The following VWC2 variants were observed in gnomAD, a reference collection of about 807,000 sequenced individuals.
The protein encoded by VWC2 is von Willebrand factor C domain containing 2.
In VWC2, 14 loss-of-function variants were observed where a neutral mutation model predicts 29.8. The ratio of observed to expected loss-of-function variants is 0.47; its 90% CI spans 0.31 to 0.74. The LOEUF is 0.74. Among genes scored for constraint, VWC2 ranks in the 30% least tolerant of loss-of-function variants. VWC2 has a pLI of 0.05. For missense variants in VWC2, 457 were observed against 459.8 expected (o/e 0.99, Z 0.05); for synonymous variants, 213 against 199.0 (o/e 1.07, Z -0.59).
rs1280854522 is a variant in VWC2 at position 49,774,123 on chromosome 7, T to C, written c.-104+10T>C. On this transcript the variant is annotated intron_variant, in intron 1 of 3. Coordinates refer to ENST00000340652, the MANE Select transcript of VWC2 (RefSeq NM_198570.5). ...CGCGCCCTGCGCTCATGTATGTAGG[T>C]TTGGCGCCGGTCTTCAGGGCTGAGG... 1 of 151,912 alleles carries C rather than the reference T, an allele frequency of 6.6e-6. No homozygotes were observed. Among genetic ancestry groups the C allele is most frequent in the African/African-American group, 2.4e-5 (1 of 41,342 alleles). The allele number at this position is 151,912 out of a possible 1,614,324, so 9.4% of individuals were successfully genotyped here. A position where few individuals can be genotyped will look rare whatever the true frequency, so the allele number is the denominator to read the frequency against.
chr7:49,865,286 C>T (rs1790831739), intron 3 of VWC2, among the ~76,000 whole-genome samples: 1 of 152,108 alleles, frequency 6.6e-6, no homozygotes, highest in Non-Finnish European at 1.5e-5. Context: ...ATCTGAGTAC[C>T]TTGGATCAAG....
chr7:49,873,532 G>A (rs1490630541), intron 3 of VWC2, among the ~76,000 whole-genome samples: 4 of 152,128 alleles, frequency 2.6e-5, no homozygotes, highest in East Asian at 3.9e-4. Context: ...ATTGCACAGC[G>A]GTTGGCTAGA....
intron 3 of VWC2, among the ~76,000 whole-genome samples, chr7:49,882,484 G>A (rs1358531722): frequency 6.6e-6 from 1 of 152,142 alleles, no homozygotes; most frequent in Non-Finnish European, 1.5e-5. Context: ...GGAAGGAAGA[G>A]AGACTGAGAC....
chr7:49,778,536 C>G (rs1788100839), intron 2 of VWC2, among the ~76,000 whole-genome samples: 1 of 152,222 alleles, frequency 6.6e-6, no homozygotes, highest in African/African-American at 2.4e-5. Flanking sequence ...GTATCGGGAA[C>G]ATTTCTAGGC....
At chr7:49,884,057 TCA>T (rs1791793519) in intron 3 of VWC2, among the ~76,000 whole-genome samples, 1 of 152,196 alleles carries the variant, frequency 6.6e-6, no homozygotes, top group Non-Finnish European at 1.5e-5. Context: ...CCTTGGGGCA[TCA>T]CACACTTCAA....
At chr7:49,813,972 C>T (rs561273383) in intron 3 of VWC2, among the ~76,000 whole-genome samples, 3 of 152,230 alleles carry the variant, frequency 2.0e-5, no homozygotes, top group African/African-American at 7.2e-5. Context: ...AATTGTTTCC[C>T]TACAAATAAA....
intron 3 of VWC2, among the ~76,000 whole-genome samples, chr7:49,877,481 A>AAAAAAAATATACATATATATATAT: frequency 7.9e-5 from 1 of 12,722 alleles, no homozygotes; most frequent in Non-Finnish European, 1.4e-4. Context: ...AAAAAAAAAA[A>AAAAAAAATATACATATATATATAT]ATATATATAT....
intron 3 of VWC2, among the ~76,000 whole-genome samples, chr7:49,835,971 A>G (rs1236247124): frequency 1.3e-5 from 2 of 152,352 alleles, no homozygotes; most frequent in African/African-American, 2.4e-5. Context: ...TTGCTTTAGA[A>G]GAAAATACAA....
intron 3 of VWC2, among the ~76,000 whole-genome samples, chr7:49,873,906 T>TAA (rs11326386): frequency 2.7e-5 from 4 of 146,510 alleles, no homozygotes; most frequent in African/African-American, 1.0e-4. Flanking sequence ...TATAATTAAG[T>TAA]AAAAAAAAAA....
intron 3 of VWC2, among the ~76,000 whole-genome samples, chr7:49,809,194 G>A (rs1410015350): frequency 6.6e-6 from 1 of 151,816 alleles, no homozygotes; most frequent in African/African-American, 2.4e-5. Flanking sequence ...TGAAAGAGGG[G>A]CATCATTACT....
intron 3 of VWC2, among the ~76,000 whole-genome samples, chr7:49,860,609 C>T (rs887422578): frequency 9.2e-5 from 14 of 152,200 alleles, no homozygotes; most frequent in Admixed American, 7.2e-4. Context: ...ATTCCTTTGG[C>T]TATTGTAATA....
chr7:49,805,833 C>A (rs1788864321), intron 3 of VWC2, among the ~76,000 whole-genome samples: 1 of 152,182 alleles, frequency 6.6e-6, no homozygotes, highest in Non-Finnish European at 1.5e-5. Flanking sequence ...CCAGCCTTTA[C>A]TCCTCACTCT....
At chr7:49,867,510 A>C (rs1790950329) in intron 3 of VWC2, among the ~76,000 whole-genome samples, 1 of 152,196 alleles carries the variant, frequency 6.6e-6, no homozygotes, top group Non-Finnish European at 1.5e-5. Flanking sequence ...AGTATGTCTC[A>C]TGTGCTGACA....
At chr7:49,803,538 A>C (rs986388745) in intron 3 of VWC2, among the ~76,000 whole-genome samples, 2 of 152,220 alleles carry the variant, frequency 1.3e-5, no homozygotes, top group Admixed American at 6.5e-5. Context: ...CAGCGGACAG[A>C]GGGGACACAG....
At chr7:49,886,956 A>T (rs1791930351) in intron 3 of VWC2, among the ~76,000 whole-genome samples, 1 of 149,724 alleles carries the variant, frequency 6.7e-6, no homozygotes, top group African/African-American at 2.5e-5. Flanking sequence ...TTTTCTTTTG[A>T]CTTGTCTTGT....
chr7:49,859,165 C>A (rs187612527), intron 3 of VWC2, among the ~76,000 whole-genome samples: 23 of 152,298 alleles, frequency 1.5e-4, no homozygotes, highest in African/African-American at 5.5e-4. Context: ...TCAGCAATAC[C>A]AAAATTATAA....
chr7:49,789,246 G>T (rs73108825), intron 2 of VWC2, among the ~76,000 whole-genome samples: 19,709 of 145,666 alleles, frequency 0.14, 1,639 homozygotes, highest in Middle Eastern at 0.22. Context: ...AAAGAGTGTA[G>T]GTGTGGGAGT....
intron 3 of VWC2, among the ~76,000 whole-genome samples, chr7:49,898,101 T>C (rs1449765101): frequency 5.9e-5 from 9 of 152,076 alleles, no homozygotes; most frequent in Non-Finnish European, 1.0e-4. Flanking sequence ...CCATTATGTA[T>C]GCTTTACATA....
intron 3 of VWC2, among the ~76,000 whole-genome samples, chr7:49,906,115 T>C (rs912190846): frequency 1.3e-5 from 2 of 151,962 alleles, no homozygotes; most frequent in African/African-American, 2.4e-5. Flanking sequence ...GTCTACGGAG[T>C]AGCCATTCTT....
Sources: allele counts gnomAD v4.1 joint callset (sites outside exome capture counted in the v4.1 genomes callset), GRCh38; gene constraint gnomAD v4.1.1; transcripts MANE v1.5; gene names NCBI Gene and HGNC (gene_info 2026-07-23, HGNC 2026-07-21).